Variants in MTMR7 observed in about 807,000 individuals in gnomAD.
MTMR7 encodes the protein phosphatidylinositol-3-phosphate phosphatase MTMR7.
Under a neutral mutation model 81.2 loss-of-function variants are expected in MTMR7, and 76 were observed. The ratio of observed to expected loss-of-function variants is 0.94; its 90% CI spans 0.78 to 1.13. The LOEUF (loss-of-function observed/expected upper bound fraction) is 1.13. Ranked by LOEUF, MTMR7 falls within the 50% of genes most tolerant of loss-of-function variation. The pLI, the probability that MTMR7 is intolerant of heterozygous loss-of-function variation, is 0.00. For missense variants in MTMR7, 1,044 were observed against 820.0 expected, an observed-to-expected ratio of 1.27 and a Z score of -3.34; for synonymous variants, 372 against 289.8, an observed-to-expected ratio of 1.28 and a Z score of -2.88.
intron 5 of MTMR7, among the ~76,000 whole-genome samples, chr8:17,348,124 C>G (rs1455567691): frequency 6.6e-6 from 1 of 152,132 alleles, no homozygotes; most frequent in Non-Finnish European, 1.5e-5. Context: ...TACTTAGAGT[C>G]TCTATTACAG....
intron 7 of MTMR7, among the ~76,000 whole-genome samples, chr8:17,329,217 A>C (rs1332555719): frequency 6.6e-6 from 1 of 152,210 alleles, no homozygotes; most frequent in Middle Eastern, 3.2e-3. Flanking sequence ...TGTTTGAAGG[A>C]GGAAAAGCCT....
chr8:17,348,549 C>A (rs1352085266), intron 5 of MTMR7, among the ~76,000 whole-genome samples: 245 of 94,576 alleles, frequency 2.6e-3, no homozygotes, highest in African/African-American at 5.4e-3. Context: ...GACTCTGTCT[C>A]AAAAAAAAAA....
chr8:17,385,688 G>C (rs1331778301), intron 1 of MTMR7, among the ~76,000 whole-genome samples: 1 of 152,136 alleles, frequency 6.6e-6, no homozygotes, highest in Admixed American at 6.5e-5. Context: ...TCATTCTCAG[G>C]AGATGTGGTT....
chr8:17,331,263 C>A lies in MTMR7; in HGVS notation c.752G>T (p.Arg251Leu), dbSNP rs376725869. 3.1e-6 allele frequency: 5 copies of A among 1,608,132 alleles called. No individual in the cohort carries two copies. The highest frequency in any genetic ancestry group is 4.2e-6 in the Non-Finnish European group (5 of 1,178,262). ...ATTCTCATAGCCTTTCCCTGCAGCA[C>A]GATTTGCCATTGCATTAAGCTGCAG... ...TRPKLNAMANRAAGKGYENED... is the reference protein window; with the variant it reads ...TRPKLNAMANLAAGKGYENED... The change falls in exon 7 of 14, where the codon CGT (arginine) becomes CTT (leucine). Residue 251 changes from arginine to leucine, a missense_variant. By Grantham distance (102) the Arg-to-Leu change is moderately radical (BLOSUM62 -2). Transcript: ENST00000180173.
Position 17,299,573 on chromosome 8 carries a change from C to T in MTMR7, c.*289G>A, listed in dbSNP as rs1816961591. ...TGACAAGGAAGATAGATACTGATCA[C>T]TTCAGGTAATGACAGAAGTAATTGC... On this transcript the variant is annotated 3_prime_UTR_variant, in exon 14 of 14. Transcript: ENST00000180173. 2.8e-6 allele frequency: 1 copy of T among 359,724 alleles called. No individual in the cohort carries two copies. The highest frequency in any genetic ancestry group is 5.1e-6 in the Non-Finnish European group (1 of 195,248). 22.3% of individuals were successfully genotyped at this position (359,724 alleles called of 1,614,324 possible).
intron 1 of MTMR7, among the ~76,000 whole-genome samples, chr8:17,412,002 A>G (rs1440877523): frequency 6.6e-6 from 1 of 152,224 alleles, no homozygotes; most frequent in African/African-American, 2.4e-5. Context: ...AGTACCACTT[A>G]AACTCTGAAA....
chr8:17,386,117 T>A (rs979009935), intron 1 of MTMR7, among the ~76,000 whole-genome samples: 1 of 152,160 alleles, frequency 6.6e-6, no homozygotes, highest in African/African-American at 2.4e-5. Context: ...GGCTCACACT[T>A]GTAATCCCAG....
intron 1 of MTMR7, among the ~76,000 whole-genome samples, chr8:17,396,431 C>T (rs1054586575): frequency 6.6e-6 from 1 of 152,198 alleles, no homozygotes; most frequent in Non-Finnish European, 1.5e-5. Context: ...AATCTGTGCA[C>T]TTGCGGGAAG....
intron 5 of MTMR7, among the ~76,000 whole-genome samples, chr8:17,344,594 G>C (rs973944100): frequency 1.4e-4 from 21 of 152,158 alleles, no homozygotes; most frequent in African/African-American, 4.8e-4. Flanking sequence ...CTGGGTGACA[G>C]AGCGAGACTC....
intron 4 of MTMR7, among the ~76,000 whole-genome samples, chr8:17,360,151 T>C (rs1820016248): frequency 1.3e-5 from 2 of 152,172 alleles, no homozygotes; most frequent in Non-Finnish European, 2.9e-5. Flanking sequence ...ACAATATGTA[T>C]GTGAAGAAAA....
intron 1 of MTMR7, among the ~76,000 whole-genome samples, chr8:17,379,185 G>C (rs571433354): frequency 6.6e-6 from 1 of 152,276 alleles, no homozygotes; most frequent in Admixed American, 6.5e-5. Flanking sequence ...CAGGAACATG[G>C]GGGCACTGGT....
chr8:17,298,019 G>A lies in MTMR7; in HGVS notation c.*1843C>T, dbSNP rs1816839673. On this transcript the variant is annotated 3_prime_UTR_variant, in exon 14 of 14. Transcript: ENST00000180173. ...TTCAAATAAAAGCATAGTGCTGTTT[G>A]GCATAGATACTTTGTCATTTTTTAA... The A allele has an allele frequency of 6.6e-6, 1 of 151,936 alleles. No homozygotes were observed. The highest frequency in any genetic ancestry group is 2.1e-4 in the South Asian group (1 of 4,820). 9.4% of individuals were successfully genotyped at this position (151,936 alleles called of 1,614,324 possible).
chr8:17,377,904 G>A (rs1820637282), intron 1 of MTMR7, among the ~76,000 whole-genome samples: 1 of 152,068 alleles, frequency 6.6e-6, no homozygotes, highest in African/African-American at 2.4e-5. Context: ...AAGTATGGGA[G>A]GAGAAAAATA....
At chr8:17,313,450 T>A (rs780575009) in intron 7 of MTMR7, 49 bp from the exon 8 acceptor site, 2 of 1,191,834 alleles carry the variant, frequency 1.7e-6, no homozygotes, top group Middle Eastern at 2.0e-4. Flanking sequence ...ACTCTCTCAT[T>A]TTACATATGA....
rs564140562 is a variant in MTMR7, at chr8:17,381,807, C to G, written c.25-8567G>C. 4.3e-4 allele frequency among the ~76,000 whole-genome samples: 66 copies of G among 152,302 alleles called. 1 individual carries two copies. The highest frequency in any genetic ancestry group is 1.5e-3 in the African/African-American group (63 of 41,558). ...GCAGCTAGATAAATAGTTTGTTGTG[C>G]TAAAATTGGTATCATGACATTTTCT... On this transcript the variant is annotated intron_variant, in intron 1 of 13. Transcript: ENST00000180173.
chr8:17,370,399 T>G (rs1337448407), intron 3 of MTMR7, among the ~76,000 whole-genome samples: 1 of 151,452 alleles, frequency 6.6e-6, no homozygotes, highest in Non-Finnish European at 1.5e-5. Flanking sequence ...TGGGCACCTG[T>G]AGTCCAGCTA....
At chr8:17,393,626 C>G (rs570482011) in intron 1 of MTMR7, among the ~76,000 whole-genome samples, 2 of 152,126 alleles carry the variant, frequency 1.3e-5, no homozygotes, top group East Asian at 3.9e-4. Context: ...CATGTTTTCA[C>G]TTGTAAGTGG....
intron 1 of MTMR7, among the ~76,000 whole-genome samples, chr8:17,405,685 T>C (rs1420265947): frequency 1.3e-5 from 2 of 152,036 alleles, no homozygotes; most frequent in African/African-American, 2.4e-5. Flanking sequence ...CAAAAGGCCA[T>C]GGAGAATTGC....
chr8:17,351,998 T>C (rs892869375), intron 4 of MTMR7, among the ~76,000 whole-genome samples: 1 of 152,182 alleles, frequency 6.6e-6, no homozygotes, highest in African/African-American at 2.4e-5. Flanking sequence ...ACTGGAAGAC[T>C]TAATATTGTG....
Sources: allele counts gnomAD v4.1 joint callset (sites outside exome capture counted in the v4.1 genomes callset), GRCh38; gene constraint gnomAD v4.1.1; transcripts MANE v1.5; gene names NCBI Gene and HGNC (gene_info 2026-07-23, HGNC 2026-07-21).